SPPL3: variants seen among roughly 807,000 people sequenced by gnomAD.
SPPL3 encodes signal peptide peptidase-like 3.
SPPL3 carries 5 observed loss-of-function variants against 42.4 expected under a neutral mutation model. That is an observed-to-expected ratio of 0.12 (90% CI 0.06 to 0.25). SPPL3 has a LOEUF of 0.25. Ranked by LOEUF, SPPL3 falls within the 10% of genes least tolerant of loss-of-function variation. The probability of loss-of-function intolerance (pLI) is 1.00; values close to 1 mark genes in which losing one functional copy is unlikely to be tolerated. For synonymous variants in SPPL3, 195 were observed against 181.8 expected (o/e 1.07, Z -0.58); for missense variants, 235 against 489.0 (o/e 0.48, Z 4.90).
At chr12:120,891,736 T>TAAAAAAAA (rs5801407) in intron 1 of SPPL3, among the ~76,000 whole-genome samples, 1 of 134,646 alleles carries the variant, frequency 7.4e-6, no homozygotes, top group Non-Finnish European at 1.6e-5. Context: ...TTGCAAATTC[T>TAAAAAAAA]AAAAAAAAAA....
chr12:120,814,848 A>C (rs572111200), intron 1 of SPPL3, among the ~76,000 whole-genome samples: 16 of 152,342 alleles, frequency 1.1e-4, no homozygotes, highest in Non-Finnish European at 2.2e-4. Context: ...TATACTGCTC[A>C]GTATCTCCCT....
intron 1 of SPPL3, among the ~76,000 whole-genome samples, chr12:120,902,695 A>G (rs1378670292): frequency 6.6e-6 from 1 of 152,206 alleles, no homozygotes; most frequent in Non-Finnish European, 1.5e-5. Flanking sequence ...CTCTTTTCTA[A>G]GAAGGGAATG....
intron 6 of SPPL3, among the ~76,000 whole-genome samples, chr12:120,782,391 C>T (rs1251697055): frequency 8.5e-5 from 13 of 152,076 alleles, no homozygotes; most frequent in African/African-American, 3.1e-4. Context: ...AAGTCAGACA[C>T]AAAAGGCCAC....
At chr12:120,803,530 G>A (rs988687301) in intron 2 of SPPL3, among the ~76,000 whole-genome samples, 2 of 151,426 alleles carry the variant, frequency 1.3e-5, no homozygotes, top group Admixed American at 1.3e-4. Flanking sequence ...CCAGAAAGGA[G>A]TGAAAAAATG....
chr12:120,868,853 C>T (rs2137048105), intron 1 of SPPL3, among the ~76,000 whole-genome samples: 1 of 152,260 alleles, frequency 6.6e-6, no homozygotes, highest in East Asian at 1.9e-4. Context: ...ATATTAATAA[C>T]TTTTCACAGA....
chr12:120,880,816 A>G (rs1372257187), intron 1 of SPPL3, among the ~76,000 whole-genome samples: 2 of 151,852 alleles, frequency 1.3e-5, no homozygotes, highest in Non-Finnish European at 2.9e-5. Context: ...TGCAAATCAT[A>G]TAACTGATAA....
chr12:120,779,759 G>A (rs1869455808), intron 6 of SPPL3, among the ~76,000 whole-genome samples: 1 of 143,918 alleles, frequency 6.9e-6, no homozygotes, highest in African/African-American at 2.6e-5. Flanking sequence ...TGGATCACCT[G>A]AGGTCAGGAG....
At chr12:120,861,071 A>AT (rs2137042171) in intron 1 of SPPL3, among the ~76,000 whole-genome samples, 2 of 152,322 alleles carry the variant, frequency 1.3e-5, no homozygotes, top group East Asian at 3.9e-4. Flanking sequence ...CGCTATATAA[A>AT]TACCTGTTTT....
intron 1 of SPPL3, among the ~76,000 whole-genome samples, chr12:120,870,592 G>A (rs1327433008): frequency 6.6e-6 from 1 of 152,078 alleles, no homozygotes; most frequent in Non-Finnish European, 1.5e-5. Flanking sequence ...GCCCAGTGAT[G>A]AAAGAATGGG....
chr12:120,783,949 T>C lies in SPPL3; in HGVS notation c.311-197A>G, dbSNP rs374634788. ...ACCTGATTTGAAGTAGGGGAAAGCA[T>C]AGGTAAGTTTCCTAAAAGATAAACA... On this transcript the variant is annotated intron_variant, in intron 4 of 10. Transcript: ENST00000353487. Among the ~76,000 whole-genome samples, 18 of 152,154 alleles carry C rather than the reference T, an allele frequency of 1.2e-4. 1 individual carries two copies. Among genetic ancestry groups the C allele is most frequent in the Middle Eastern group, 3.2e-3 (1 of 316 alleles).
chr12:120,815,035 G>C (rs928304873), intron 1 of SPPL3, among the ~76,000 whole-genome samples: 9 of 152,136 alleles, frequency 5.9e-5, no homozygotes, highest in Non-Finnish European at 1.2e-4. Context: ...GGACACTGGG[G>C]TTGTTTCCAA....
intron 3 of SPPL3, among the ~76,000 whole-genome samples, chr12:120,787,603 A>T (rs1396707667): frequency 6.6e-6 from 1 of 152,160 alleles, no homozygotes; most frequent in Non-Finnish European, 1.5e-5. Flanking sequence ...ATACCACTCA[A>T]GTCAAGAAAC....
At chr12:120,766,128 A>G (rs1307848923) in intron 10 of SPPL3, 135 bp downstream of exon 10, 7 of 524,302 alleles carry the variant, frequency 1.3e-5, no homozygotes, top group African/African-American at 2.0e-5. Flanking sequence ...ACACACACAC[A>G]CACACACACA....
At chr12:120,790,767 A>G (rs1869888174) in intron 3 of SPPL3, among the ~76,000 whole-genome samples, 1 of 152,172 alleles carries the variant, frequency 6.6e-6, no homozygotes, top group Admixed American at 6.5e-5. Flanking sequence ...GGTCACCGAA[A>G]AAAGGTACTT....
intron 2 of SPPL3, among the ~76,000 whole-genome samples, chr12:120,793,866 G>C (rs1198383266): frequency 1.3e-5 from 2 of 152,214 alleles, no homozygotes; most frequent in Admixed American, 6.5e-5. Context: ...ACTTGAGAAA[G>C]AGCGTGTGTT....
At chr12:120,776,467 C>T (rs1869324654) in intron 6 of SPPL3, among the ~76,000 whole-genome samples, 2 of 152,174 alleles carry the variant, frequency 1.3e-5, no homozygotes. Flanking sequence ...GTCTGATAAA[C>T]CCATTCCAGA....
intron 1 of SPPL3, among the ~76,000 whole-genome samples, chr12:120,899,111 C>T (rs1566073622): frequency 6.6e-6 from 1 of 152,336 alleles, no homozygotes; most frequent in East Asian, 1.9e-4. Flanking sequence ...TTTTCACATG[C>T]ATTCTTTTAC....
chr12:120,833,766 AGTGTGTGTGTGTGT>A (rs71076664), intron 1 of SPPL3, among the ~76,000 whole-genome samples: 36,944 of 146,546 alleles, frequency 0.25, 5,389 homozygotes, highest in Non-Finnish European at 0.34. Flanking sequence ...TGAGTTTTAA[AGTGTGTGTGTGTGT>A]GTGTGTGTGT....
chr12:120,882,251 G>T (rs1264565899), intron 1 of SPPL3, among the ~76,000 whole-genome samples: 2 of 152,172 alleles, frequency 1.3e-5, no homozygotes, highest in East Asian at 3.9e-4. Context: ...CAGTTTCAAG[G>T]TATCCACTGG....
Sources: allele counts gnomAD v4.1 joint callset (sites outside exome capture counted in the v4.1 genomes callset), GRCh38; gene constraint gnomAD v4.1.1; transcripts MANE v1.5; gene names NCBI Gene and HGNC (gene_info 2026-07-23, HGNC 2026-07-21).